The following TAOK3 variants were observed in gnomAD, a reference collection of about 807,000 sequenced individuals.
TAOK3 encodes the protein TAO kinase 3.
Under a neutral mutation model 120.4 loss-of-function variants are expected in TAOK3, and 40 were observed. That is an observed-to-expected ratio of 0.33 (90% confidence interval 0.26 to 0.43). The LOEUF (loss-of-function observed/expected upper bound fraction) is 0.43, where lower values mean the gene tolerates loss of function less well. Among genes scored for constraint, TAOK3 ranks in the 20% least tolerant of loss-of-function variants. TAOK3 has a pLI of 1.00. For synonymous variants in TAOK3, 355 were observed against 387.5 expected (o/e 0.92, Z 0.99); for missense variants, 821 against 1,112.1 (o/e 0.74, Z 3.72).
rs764673249 is a variant in TAOK3 at position 118,181,601 on chromosome 12, G to A, written c.1336C>T (p.Arg446Ter). The part of the protein sequence containing the change: ...ATIKSASLVT[R>*]QIHEHEQENE... ...TCCTGCTCATGCTCATGGATCTGTC[G>A]TGTAACCTGAATTGGGTTAGGAAAC... The change falls in exon 15 of 21, where the codon CGA (arginine) becomes TGA (stop). Residue 446 changes from arginine to a stop codon, truncating the protein, a stop_gained. Coordinates refer to ENST00000392533, the MANE Select transcript of TAOK3 (RefSeq NM_016281.4). LOFTEE classifies it high-confidence loss of function. The A allele has an allele frequency of 2.5e-6, 4 of 1,613,846 alleles. No individual in the cohort carries two copies. Among genetic ancestry groups the A allele is most frequent in the Non-Finnish European group, 3.4e-6 (4 of 1,179,958 alleles).
chr12:118,288,974 T>C (rs1376632788), intron 1 of TAOK3, among the ~76,000 whole-genome samples: 1 of 148,936 alleles, frequency 6.7e-6, no homozygotes, highest in Non-Finnish European at 1.5e-5. Flanking sequence ...TTAGGAACTA[T>C]TTGGACAATT....
intron 11 of TAOK3, among the ~76,000 whole-genome samples, chr12:118,203,899 A>G (rs1006546663): frequency 1.3e-5 from 2 of 152,214 alleles, no homozygotes; most frequent in Non-Finnish European, 2.9e-5. Context: ...CTATTTTGCA[A>G]AAGGGCAAAT....
At chr12:118,285,983 A>T (rs965898471) in intron 1 of TAOK3, among the ~76,000 whole-genome samples, 1 of 152,206 alleles carries the variant, frequency 6.6e-6, no homozygotes, top group Non-Finnish European at 1.5e-5. Flanking sequence ...TAATGGTTGC[A>T]TTCTTTTGAG....
intron 9 of TAOK3, among the ~76,000 whole-genome samples, chr12:118,227,351 ATAAG>A (rs2039558271): frequency 1.3e-5 from 2 of 148,748 alleles, no homozygotes. Context: ...AAAATATAAA[ATAAG>A]TAATATTTTA....
chr12:118,314,441 A>T (rs2043376584), intron 1 of TAOK3, among the ~76,000 whole-genome samples: 1 of 152,216 alleles, frequency 6.6e-6, no homozygotes, highest in Non-Finnish European at 1.5e-5. Context: ...CATAAAAATG[A>T]CATGGTAAAT....
chr12:118,262,166 T>G (rs1383913771), intron 2 of TAOK3, among the ~76,000 whole-genome samples: 1 of 151,924 alleles, frequency 6.6e-6, no homozygotes, highest in Non-Finnish European at 1.5e-5. Context: ...TGGCCTGAAA[T>G]GATTATGTCT....
intron 9 of TAOK3, among the ~76,000 whole-genome samples, chr12:118,223,062 CTTTTTT>C (rs75334511): frequency 8.3e-5 from 10 of 120,092 alleles, no homozygotes; most frequent in African/African-American, 2.8e-4. Flanking sequence ...TTCTTTCTTT[CTTTTTT>C]TTTTTTTTTT....
At chr12:118,370,689 T>C (rs2045869896) in intron 1 of TAOK3, among the ~76,000 whole-genome samples, 1 of 152,342 alleles carries the variant, frequency 6.6e-6, no homozygotes, top group South Asian at 2.1e-4. Flanking sequence ...GTTTGAAAAG[T>C]AGGTAGGGCA....
chr12:118,227,072 CTTG>C (rs963472532), intron 9 of TAOK3, among the ~76,000 whole-genome samples: 12 of 151,868 alleles, frequency 7.9e-5, no homozygotes, highest in Admixed American at 2.6e-4. Context: ...AAGAAAAAAA[CTTG>C]TTAAGAAAAA....
At chr12:118,276,371 G>T (rs2041903222) in intron 1 of TAOK3, among the ~76,000 whole-genome samples, 1 of 152,094 alleles carries the variant, frequency 6.6e-6, no homozygotes, top group Admixed American at 6.6e-5. Flanking sequence ...CAAGCCTTAG[G>T]GCCTGAGCTA....
intron 1 of TAOK3, among the ~76,000 whole-genome samples, chr12:118,315,078 G>A (rs1394607322): frequency 6.6e-6 from 1 of 152,074 alleles, no homozygotes; most frequent in East Asian, 1.9e-4. Flanking sequence ...TTACAGGCAT[G>A]TGCCACCACC....
intron 13 of TAOK3, among the ~76,000 whole-genome samples, chr12:118,198,087 A>G (rs1174802526): frequency 2.6e-5 from 4 of 151,962 alleles, no homozygotes; most frequent in African/African-American, 9.7e-5. Context: ...AATTGCTTCC[A>G]TGTCTTCCTG....
chr12:118,299,626 C>T (rs924873563), intron 1 of TAOK3, among the ~76,000 whole-genome samples: 4 of 152,080 alleles, frequency 2.6e-5, no homozygotes, highest in Admixed American at 6.6e-5. Flanking sequence ...CCTCCTGTCT[C>T]GGCCTCCCCA....
Position 118,160,089 on chromosome 12 carries a change from T to C in TAOK3, c.2352+57A>G. The C allele has an allele frequency of 4.4e-6, 6 of 1,375,040 alleles. No homozygotes were observed. The highest frequency in any genetic ancestry group is 6.2e-6 in the Non-Finnish European group (6 of 964,902). The allele number at this position is 1,375,040 out of a possible 1,614,324, so 85.2% of individuals were successfully genotyped here. The stretch of plus-strand genomic sequence containing the variant: ...ATCTTGGGAACAACAGGCTGGATCT[T>C]GGATTTTCTTGATTCCCAAAGCTCT... On this transcript the variant is annotated intron_variant, in intron 19 of 20. Coordinates refer to ENST00000392533, the MANE Select transcript of TAOK3 (RefSeq NM_016281.4). This position sits in a 1 kb window ranked among gnomAD's most constrained non-coding sequence, Gnocchi z 4.2.
At chr12:118,290,861 A>G (rs894010815) in intron 1 of TAOK3, among the ~76,000 whole-genome samples, 2 of 150,964 alleles carry the variant, frequency 1.3e-5, no homozygotes, top group African/African-American at 4.9e-5. Context: ...GTTGAACTAT[A>G]CCATCATATG....
rs150570843 is a variant in TAOK3, at chr12:118,168,957, T to TTTCCTTCCTTCCTTCC, written c.1899+3484_1899+3499dup. ...TGCAGTACTGAATCAGCTTGCTTGC[T>TTTCCTTCCTTCCTTCC]TTCCTTCCTTCCTTCCTTCCTTCCT... On this transcript the variant is annotated intron_variant, in intron 17 of 20. Transcript: ENST00000392533. 5.8e-3 allele frequency among the ~76,000 whole-genome samples: 857 copies of TTTCCTTCCTTCCTTCC among 147,764 alleles called. 14 individuals carry two copies. The highest frequency in any genetic ancestry group is 0.02 in the African/African-American group (777 of 39,758).
intron 1 of TAOK3, among the ~76,000 whole-genome samples, chr12:118,360,218 T>C (rs2045545721): frequency 2.0e-5 from 3 of 150,192 alleles, no homozygotes; most frequent in African/African-American, 7.4e-5. Context: ...TGAGCCAAGA[T>C]TGTACCACTG....
At position 118,201,473 on chromosome 12, in the gene TAOK3, G is replaced by A; in HGVS notation, c.820-10C>T. ...GTCGAACAAAGTCATGCTGATTGAG[G>A]GAGGAGGAAAAAATAAACTGATAAT... On this transcript the variant is annotated splice_polypyrimidine_tract_variant and intron_variant, in intron 11 of 20. Transcript: ENST00000392533. The A allele has an allele frequency of 6.3e-7, 1 of 1,596,050 alleles. No homozygotes were observed. Among genetic ancestry groups the A allele is most frequent in the Non-Finnish European group, 8.5e-7 (1 of 1,170,638 alleles).
At chr12:118,242,917 G>C (rs140351406) in intron 5 of TAOK3, among the ~76,000 whole-genome samples, 1 of 151,042 alleles carries the variant, frequency 6.6e-6, no homozygotes, top group Admixed American at 6.6e-5. Context: ...GTGTGTCTGT[G>C]TGTGTGTGCA....
Sources: gnomAD v4.1 joint callset for allele counts (sites outside exome capture counted in the v4.1 genomes callset) on GRCh38, gnomAD v4.1.1 for gene constraint, Gnocchi (gnomAD v3.1) non-coding constraint, MANE v1.5 for transcripts, NCBI Gene and HGNC (gene_info 2026-07-23, HGNC 2026-07-21) for gene names.